Variants in PDGFRB observed in about 807,000 individuals in gnomAD.
PDGFRB encodes platelet-derived growth factor receptor beta.
PDGFRB carries 42 observed loss-of-function variants against 120.2 expected under a neutral mutation model. That is an observed-to-expected ratio of 0.35 (90% CI 0.27 to 0.45). The LOEUF (loss-of-function observed/expected upper bound fraction) is 0.45, where lower values mean the gene tolerates loss of function less well. Among genes scored for constraint, PDGFRB ranks in the 20% least tolerant of loss-of-function variants. The pLI, the probability that PDGFRB is intolerant of heterozygous loss-of-function variation, is 1.00. For synonymous variants in PDGFRB, 586 were observed against 606.8 expected, an observed-to-expected ratio of 0.97 and a Z score of 0.50; for missense variants, 1,149 against 1,476.3, an observed-to-expected ratio of 0.78 and a Z score of 3.63.
At position 150,114,753 on chromosome 5, in the gene PDGFRB, GA is replaced by G. The variant is rs1759871686; in HGVS notation, c.*1009del. 1 of 233,588 alleles carries G rather than the reference GA, an allele frequency of 4.3e-6. No homozygotes were observed. The highest frequency in any genetic ancestry group is 5.6e-5 in the Admixed American group (1 of 17,790). 14.5% of individuals were successfully genotyped at this position (233,588 alleles called of 1,614,324 possible). A position where few individuals can be genotyped will look rare whatever the true frequency, so the allele number is the denominator to read the frequency against. ...ATCTGGACAAATGTGCAACCACCTG[GA>G]ATACTCTAGAATGTTAGTGCTGGCA... On this transcript the variant is annotated 3_prime_UTR_variant, in exon 23 of 23. Transcript: ENST00000261799.
In PDGFRB at chr5:150,133,571, G is replaced by T. The variant is rs1188244270; in HGVS notation, c.934+15C>A. 1.2e-6 allele frequency: 2 copies of T among 1,610,148 alleles called. No individual in the cohort carries two copies. The highest frequency in any genetic ancestry group is 1.1e-5 in the South Asian group (1 of 90,954). ...TTGAAGGAATTGGGGATTGGGCTGAGCCCAAGGCACACACCAACCACGGTG... is the reference window on the plus strand; with the variant it reads ...TTGAAGGAATTGGGGATTGGGCTGATCCCAAGGCACACACCAACCACGGTG... On this transcript the variant is annotated intron_variant, in intron 6 of 22. Transcript: ENST00000261799.
At chr5:150,128,072 A>G (rs1053852279) in intron 10 of PDGFRB, among the ~76,000 whole-genome samples, 1 of 151,816 alleles carries the variant, frequency 6.6e-6, no homozygotes, top group Non-Finnish European at 1.5e-5. Context: ...CCTCCCGCTC[A>G]TCACACATCT....
Position 150,121,915 on chromosome 5 carries a change from T to C in PDGFRB, c.2309A>G (p.Asn770Ser), listed in dbSNP as rs2113891118. 2 of 1,613,732 alleles carry C rather than the reference T, an allele frequency of 1.2e-6. No homozygotes were observed. Among genetic ancestry groups the C allele is most frequent in the Non-Finnish European group, 1.7e-6 (2 of 1,179,604 alleles). The change falls in exon 16 of 23, where the codon AAC (asparagine) becomes AGC (serine). Residue 770 changes from asparagine (N) to serine (S), a missense_variant. Transcript: ENST00000261799. This position sits in a 1 kb window ranked among gnomAD's most constrained non-coding sequence, Gnocchi z 4.1. ...GTAGTTATCGTAAGGGGCCATGTAGTTGGAGGACTCGATGTCTGCATATTT... is the reference window on the plus strand; with the variant it reads ...GTAGTTATCGTAAGGGGCCATGTAGCTGGAGGACTCGATGTCTGCATATTT... ...DVKYADIESS[N>S]YMAPYDNYVP...
intron 21 of PDGFRB, among the ~76,000 whole-genome samples, chr5:150,118,200 C>T (rs1440607539): frequency 6.6e-6 from 1 of 152,118 alleles, no homozygotes; most frequent in East Asian, 1.9e-4. Context: ...GACCTTACTC[C>T]ATCTCCCAGG....
chr5:150,117,647 G>T lies in PDGFRB; in HGVS notation c.3108C>A (p.Gly1036=), dbSNP rs1429415497. The change falls in exon 22 of 23, where the codon GGC becomes GGA. Residue 1036 remains glycine, a synonymous_variant. Coordinates refer to ENST00000261799, the MANE Select transcript of PDGFRB (RefSeq NM_002609.4). ...CTAGGCTGGGGGAACCCTCCAGTGG[G>T]CCCTCGTCAGCAACCTCGGGTTTGG... ...PDPKPEVADE[G]PLEGSPSLAS... 6.2e-7 allele frequency: 1 copy of T among 1,612,764 alleles called. No homozygotes were observed. The highest frequency in any genetic ancestry group is 1.1e-5 in the South Asian group (1 of 91,022).
chr5:150,141,541 C>T (rs1330633858), intron 1 of PDGFRB, among the ~76,000 whole-genome samples: 2 of 152,160 alleles, frequency 1.3e-5, no homozygotes, highest in African/African-American at 4.8e-5. Context: ...AGTGGTGTGA[C>T]TCTGTGTTCT....
Position 150,120,893 on chromosome 5 carries a change from C to T in PDGFRB, c.2581G>A (p.Gly861Ser). The change falls in exon 18 of 23, where the codon GGC becomes AGC. Residue 861 changes from glycine (G) to serine (S), a missense_variant. By Grantham distance (56) the Gly-to-Ser change is moderately conservative. This residue lies in a region of PDGFRB where 68 missense variants were observed against 153.3 expected (regional missense o/e 0.44). Transcript: ENST00000261799. This position sits in a 1 kb window ranked among gnomAD's most constrained non-coding sequence, Gnocchi z 4.3. ...GGGCCAGGGAAGGTACTCACGCTGC[C>T]TTTGGAGATGTAATTCGAGTCCCGC... ...IMRDSNYISK[G>S]STFLPLKWMA... 2 of 1,614,096 alleles carry T rather than the reference C, an allele frequency of 1.2e-6. No homozygotes were observed. The highest frequency in any genetic ancestry group is 1.7e-6 in the Non-Finnish European group (2 of 1,179,968).
chr5:150,142,625 G>A (rs547843080), intron 1 of PDGFRB, among the ~76,000 whole-genome samples: 4 of 150,150 alleles, frequency 2.7e-5, no homozygotes, highest in Non-Finnish European at 5.9e-5. Context: ...TTATAGGATA[G>A]TGGTCCCCCC....
At chr5:150,130,093 C>T (rs1217319328) in intron 9 of PDGFRB, 125 bp from the exon 10 acceptor site, 3 of 761,874 alleles carry the variant, frequency 3.9e-6, no homozygotes, top group Non-Finnish European at 4.4e-6. Flanking sequence ...TGTTTCCGAG[C>T]GGGCTCCTCC....
chr5:150,147,285 C>T (rs1186695299), intron 1 of PDGFRB, among the ~76,000 whole-genome samples: 2 of 152,230 alleles, frequency 1.3e-5, no homozygotes, highest in African/African-American at 2.4e-5. Context: ...GCCTCATCTC[C>T]GGCCGGTGCC....
intron 11 of PDGFRB, among the ~76,000 whole-genome samples, chr5:150,126,173 G>T (rs1254227247): frequency 6.6e-6 from 1 of 152,204 alleles, no homozygotes; most frequent in Non-Finnish European, 1.5e-5. Flanking sequence ...TAGAATCACA[G>T]GTTCTCCATG....
intron 14 of PDGFRB, 95 bp downstream of exon 14, chr5:150,124,155 T>C: frequency 2.6e-6 from 2 of 758,424 alleles, no homozygotes; most frequent in Non-Finnish European, 4.4e-6. Flanking sequence ...CCAGCAGGAG[T>C]GTGCTGTTGT....
intron 6 of PDGFRB, among the ~76,000 whole-genome samples, 156 bp from the exon 7 acceptor site, chr5:150,133,098 T>C (rs1212789529): frequency 2.0e-5 from 3 of 152,136 alleles, no homozygotes; most frequent in Admixed American, 6.5e-5. Flanking sequence ...GGACAGGGCC[T>C]GGAGAAGGGG....
chr5:150,135,992 C>T, intron 2 of PDGFRB, 114 bp from the exon 3 acceptor site: 1 of 649,882 alleles, frequency 1.5e-6, no homozygotes, highest in Non-Finnish European at 2.5e-6. Flanking sequence ...AGGAGCACAG[C>T]TCCTTTATCC....
At chr5:150,133,513 T>C (rs1437397561) in intron 6 of PDGFRB, 73 bp downstream of exon 6, 6 of 1,284,008 alleles carry the variant, frequency 4.7e-6, no homozygotes, top group Non-Finnish European at 6.7e-6. Context: ...ACCATCACTC[T>C]GCACCCAGCA....
intron 22 of PDGFRB, 61 bp from the exon 23 acceptor site, chr5:150,116,007 G>A: frequency 6.9e-7 from 1 of 1,459,056 alleles, no homozygotes; most frequent in Non-Finnish European, 9.3e-7. Context: ...TCCAGCAGCA[G>A]TCATGAAGAG....
At chr5:150,129,353 G>A (rs1320258051) in intron 10 of PDGFRB, among the ~76,000 whole-genome samples, 1 of 152,176 alleles carries the variant, frequency 6.6e-6, no homozygotes, top group Admixed American at 6.5e-5. Context: ...TAGTGCACAG[G>A]TGTATGCTTA....
intron 1 of PDGFRB, among the ~76,000 whole-genome samples, chr5:150,150,373 C>G (rs1324207476): frequency 2.0e-5 from 3 of 152,210 alleles, no homozygotes; most frequent in African/African-American, 7.2e-5. Context: ...CTTTTCATCT[C>G]TGACATTCAG....
At position 150,121,443 on chromosome 5, in the gene PDGFRB, T is replaced by C; in HGVS notation, c.2345-121A>G. The C allele has an allele frequency of 1.4e-6, 1 of 712,628 alleles. No individual in the cohort carries two copies. The allele number at this position is 712,628 out of a possible 1,614,324, so 44.1% of individuals were successfully genotyped here. A position where few individuals can be genotyped will look rare whatever the true frequency, so the allele number is the denominator to read the frequency against. ...CAGGTGGCTACTGATCGTCTAGGTC[T>C]CCCCTAAAAGGAGAATGATTTCTTA... On this transcript the variant is annotated intron_variant, in intron 16 of 22. Transcript: ENST00000261799. This position sits in a 1 kb window ranked among gnomAD's most constrained non-coding sequence, Gnocchi z 4.1.
Sources: gnomAD v4.1 joint callset for allele counts (sites outside exome capture counted in the v4.1 genomes callset) on GRCh38, gnomAD v4.1.1 for gene constraint, gnomAD v4.1.1 regional missense constraint, Gnocchi (gnomAD v3.1) non-coding constraint, MANE v1.5 for transcripts, NCBI Gene and HGNC (gene_info 2026-07-23, HGNC 2026-07-21) for gene names.